IL1RAPL2: variants seen among roughly 807,000 people sequenced by gnomAD.
IL1RAPL2 encodes X-linked interleukin-1 receptor accessory protein-like 2.
In IL1RAPL2, 3 loss-of-function variants were observed where a neutral mutation model predicts 44.1. The observed-to-expected ratio is 0.07, with a 90% CI of 0.03 to 0.18. The LOEUF (loss-of-function observed/expected upper bound fraction) is 0.18, where lower values mean the gene tolerates loss of function less well. IL1RAPL2 is among the 10% of genes least tolerant of loss of function. The pLI is 1.00. For synonymous variants in IL1RAPL2, 181 were observed against 178.8 expected, an observed-to-expected ratio of 1.01 and a Z score of -0.10; for missense variants, 391 against 496.4, an observed-to-expected ratio of 0.79 and a Z score of 2.02.
chrX:105,655,537 G>T (rs1227046905), intron 6 of IL1RAPL2, among the ~76,000 whole-genome samples: 1 of 112,293 alleles, frequency 8.9e-6, no homozygotes, highest in African/African-American at 3.2e-5. Flanking sequence ...AGCCTATTTT[G>T]CAATTATCTG....
intron 2 of IL1RAPL2, among the ~76,000 whole-genome samples, chrX:104,665,043 TTTC>T (rs1191834020): frequency 2.7e-5 from 3 of 111,607 alleles, no homozygotes; most frequent in Non-Finnish European, 5.7e-5. Flanking sequence ...CTTGAATTAA[TTTC>T]TTTTTCTCTG....
At position 104,846,289 on chromosome X, in the gene IL1RAPL2, C is replaced by T. The variant is rs747266274; in HGVS notation, c.82+187294C>T. Among the ~76,000 whole-genome samples, 287 of 109,489 alleles carry T rather than the reference C, an allele frequency of 2.6e-3. 4 individuals carry two copies. Among genetic ancestry groups the T allele is most frequent in the African/African-American group, 9.0e-3 (270 of 29,984 alleles). ...GTATACATGTGCCATGTTGGTGTGC[C>T]GCACCCATTAACTCATCATTTACAT... On this transcript the variant is annotated intron_variant, in intron 2 of 10. Coordinates refer to ENST00000372582, the MANE Select transcript of IL1RAPL2 (RefSeq NM_017416.2).
intron 10 of IL1RAPL2, among the ~76,000 whole-genome samples, chrX:105,759,043 A>G (rs1275649033): frequency 1.8e-5 from 2 of 111,965 alleles, no homozygotes; most frequent in Non-Finnish European, 3.8e-5. Flanking sequence ...AACAGAACCC[A>G]GCTGTGCAAT....
chrX:105,304,245 G>A (rs1190457073), intron 5 of IL1RAPL2, among the ~76,000 whole-genome samples: 1 of 97,350 alleles, frequency 1.0e-5, no homozygotes, highest in Non-Finnish European at 1.9e-5. Context: ...TAGGGTCACT[G>A]AATGAGGAGA....
intron 4 of IL1RAPL2, among the ~76,000 whole-genome samples, chrX:105,263,527 A>G (rs1191233055): frequency 2.7e-5 from 3 of 111,636 alleles, no homozygotes; most frequent in Non-Finnish European, 5.6e-5. Context: ...TACAGTGGTA[A>G]ATATTTCAGG....
intron 6 of IL1RAPL2, among the ~76,000 whole-genome samples, chrX:105,680,251 G>A (rs1485641345): frequency 9.0e-6 from 1 of 111,675 alleles, no homozygotes; most frequent in African/African-American, 3.3e-5. Flanking sequence ...CGCCCGCCTC[G>A]TCCTCCCAAA....
chrX:104,946,875 T>A, intron 2 of IL1RAPL2, among the ~76,000 whole-genome samples: 1 of 95,515 alleles, frequency 1.0e-5, no homozygotes, highest in East Asian at 3.4e-4. Context: ...GCAATAAACA[T>A]ACGTGTGCAT....
chrX:105,265,131 A>G lies in IL1RAPL2; in HGVS notation c.544-2257A>G, dbSNP rs569755687. Among the ~76,000 whole-genome samples the G allele has an allele frequency of 1.6e-4, 18 of 112,296 alleles. No homozygotes were observed. The South Asian group carries it at 5.9e-3, about 37-fold the overall frequency. On this transcript the variant is annotated intron_variant, in intron 4 of 10. Coordinates refer to ENST00000372582, the MANE Select transcript of IL1RAPL2 (RefSeq NM_017416.2). ...AATTGTTAGAATTAATTGCATATGG[A>G]CTTTCCCTAAAATGACATAAGAAAA...
intron 1 of IL1RAPL2, among the ~76,000 whole-genome samples, chrX:104,620,294 A>T (rs1034452196): frequency 9.2e-6 from 1 of 108,236 alleles, no homozygotes; most frequent in African/African-American, 3.3e-5. Context: ...TCTCCATGTA[A>T]CCAAAAACCA....
intron 4 of IL1RAPL2, among the ~76,000 whole-genome samples, chrX:105,264,021 C>A: frequency 9.0e-6 from 1 of 111,228 alleles, no homozygotes. Context: ...TTAAACACAG[C>A]TGGAGCAGTG....
chrX:105,749,279 AAT>A (rs1408463069), intron 9 of IL1RAPL2, among the ~76,000 whole-genome samples, 176 bp downstream of exon 9: 1 of 112,311 alleles, frequency 8.9e-6, no homozygotes, highest in Non-Finnish European at 1.9e-5. Flanking sequence ...AAAAGAGGAG[AAT>A]ATATTGACAA....
At chrX:105,755,450 C>G in intron 10 of IL1RAPL2, 103 bp downstream of exon 10, 1 of 593,948 alleles carries the variant, frequency 1.7e-6, no homozygotes, top group Non-Finnish European at 2.5e-6. Context: ...TTGTTTCTCA[C>G]AGTAGAGTTT....
chrX:105,194,665 G>T (rs1001920127), intron 2 of IL1RAPL2, among the ~76,000 whole-genome samples: 5 of 111,722 alleles, frequency 4.5e-5, no homozygotes, highest in Non-Finnish European at 3.8e-5. Context: ...GGTATAAAGA[G>T]AAATTGACCT....
chrX:104,634,784 T>C (rs1031052324), intron 1 of IL1RAPL2, among the ~76,000 whole-genome samples: 4 of 112,013 alleles, frequency 3.6e-5, no homozygotes, highest in Non-Finnish European at 7.5e-5. Flanking sequence ...CTGATGGGTC[T>C]TGACTCTATC....
chrX:104,592,366 C>T (rs1467925844), intron 1 of IL1RAPL2, among the ~76,000 whole-genome samples: 1 of 110,256 alleles, frequency 9.1e-6, no homozygotes, highest in Non-Finnish European at 1.9e-5. Context: ...TATCAGTTGC[C>T]TGCAAAGGAA....
At chrX:104,887,431 A>G (rs776349341) in intron 2 of IL1RAPL2, among the ~76,000 whole-genome samples, 1 of 112,410 alleles carries the variant, frequency 8.9e-6, no homozygotes, top group South Asian at 3.7e-4. Flanking sequence ...AAATTGATGT[A>G]GTAGCAAAAA....
chrX:104,893,970 AG>A (rs946433868), intron 2 of IL1RAPL2, among the ~76,000 whole-genome samples: 2 of 111,159 alleles, frequency 1.8e-5, no homozygotes, highest in Non-Finnish European at 3.8e-5. Context: ...GAGCTCTTTT[AG>A]GGCAGGTCTA....
chrX:105,213,318 C>T (rs1178830922), intron 3 of IL1RAPL2, among the ~76,000 whole-genome samples: 1 of 108,673 alleles, frequency 9.2e-6, no homozygotes, highest in Non-Finnish European at 1.9e-5. Flanking sequence ...AGCACAAGAA[C>T]TTTGTGAAGC....
At chrX:105,653,408 G>A (rs947873410) in intron 6 of IL1RAPL2, among the ~76,000 whole-genome samples, 6 of 111,472 alleles carry the variant, frequency 5.4e-5, no homozygotes, top group African/African-American at 2.0e-4. Context: ...CTCAATTAGT[G>A]TAAGAATCCA....
Sources: gnomAD v4.1 joint callset for allele counts (sites outside exome capture counted in the v4.1 genomes callset) on GRCh38, gnomAD v4.1.1 for gene constraint, MANE v1.5 for transcripts, NCBI Gene and HGNC (gene_info 2026-07-23, HGNC 2026-07-21) for gene names.